ITPKA: variants seen among roughly 807,000 people sequenced by gnomAD.
ITPKA encodes the protein inositol-trisphosphate 3-kinase A, also known as IP3 3-kinase A.
In ITPKA, 16 loss-of-function variants were observed where a neutral mutation model predicts 40.7. The observed-to-expected ratio is 0.39, with a 90% confidence interval of 0.27 to 0.60. The LOEUF (loss-of-function observed/expected upper bound fraction) is 0.60. Ranked by LOEUF, ITPKA falls within the 20% of genes least tolerant of loss-of-function variation. The probability of loss-of-function intolerance (pLI) is 0.50; values close to 1 mark genes in which losing one functional copy is unlikely to be tolerated. For missense variants in ITPKA, 540 were observed against 649.3 expected (o/e 0.83, Z 1.83); for synonymous variants, 313 against 289.9 (o/e 1.08, Z -0.81).
intron 1 of ITPKA, among the ~76,000 whole-genome samples, chr15:41,500,007 C>G (rs2051099090): frequency 6.6e-6 from 1 of 152,208 alleles, no homozygotes; most frequent in Non-Finnish European, 1.5e-5. Context: ...TGCTGCCAGG[C>G]TAGAGTGCAG....
chr15:41,502,292 CCT>C lies in ITPKA; in HGVS notation c.1008+95_1008+96del, dbSNP rs1488317857. ...GCTCCCGCCCCGCCTGCCCCTCCGCCCTCTCCCACCGCCTCGCCGTCCCCTGC... is the reference window on the plus strand; with the variant it reads ...GCTCCCGCCCCGCCTGCCCCTCCGCCCTCCCACCGCCTCGCCGTCCCCTGC... On this transcript the variant is annotated intron_variant, in intron 4 of 6. Coordinates refer to ENST00000260386, the MANE Select transcript of ITPKA (RefSeq NM_002220.3). 7 of 1,306,410 alleles carry C rather than the reference CCT, an allele frequency of 5.4e-6. No homozygotes were observed. The Middle Eastern group carries it at 1.1e-3, about 198-fold the overall frequency. The allele number at this position is 1,306,410 out of a possible 1,614,324, so 80.9% of individuals were successfully genotyped here. A position where few individuals can be genotyped will look rare whatever the true frequency, so the allele number is the denominator to read the frequency against.
In ITPKA at chr15:41,503,106, C is replaced by T; in HGVS notation, c.1326C>T (p.Asp442=). The T allele has an allele frequency of 1.9e-6, 3 of 1,604,344 alleles. No individual in the cohort carries two copies. The highest frequency in any genetic ancestry group is 2.6e-6 in the Non-Finnish European group (3 of 1,172,368). ...CCTGGGAGGAGGGCAACCGCGAGGA[C>T]GGCTATTTGCTGGGGCTGGACAATC... is the stretch of plus-strand genomic sequence containing the variant. ...RRPWEEGNRE[D]GYLLGLDNLI... is the part of the protein sequence containing the mutation. Residue 442 remains aspartate (D), a synonymous_variant, in exon 7 of 7, where the codon GAC becomes GAT. Coordinates refer to ENST00000260386, the MANE Select transcript of ITPKA (RefSeq NM_002220.3).
chr15:41,495,985 C>G (rs1459101694), intron 1 of ITPKA, among the ~76,000 whole-genome samples: 2 of 152,250 alleles, frequency 1.3e-5, no homozygotes, highest in Non-Finnish European at 2.9e-5. Context: ...CCGCCGCCCT[C>G]CGAGCCGTCG....
intron 1 of ITPKA, among the ~76,000 whole-genome samples, chr15:41,497,479 T>G (rs771822082): frequency 1.3e-5 from 2 of 152,174 alleles, no homozygotes; most frequent in Non-Finnish European, 2.9e-5. Flanking sequence ...GCATCTGCCT[T>G]GGCCTCCCAA....
chr15:41,501,655 A>G lies in ITPKA; in HGVS notation c.607A>G (p.Thr203Ala). The G allele has an allele frequency of 6.2e-7, 1 of 1,608,098 alleles. No homozygotes were observed. The highest frequency in any genetic ancestry group is 8.5e-7 in the Non-Finnish European group (1 of 1,177,886). The change falls in exon 3 of 7, where the codon ACC becomes GCC. Residue 203 changes from threonine to alanine, a missense_variant. Coordinates refer to ENST00000260386, the MANE Select transcript of ITPKA (RefSeq NM_002220.3). Reference sequence around the variant, plus strand: ...CTCAGGGAGTTTTAAGGCGGCGGGCACCAGCGGGCTGATCCTGAAGCGCTG... The same window carrying G: ...CTCAGGGAGTTTTAAGGCGGCGGGCGCCAGCGGGCTGATCCTGAAGCGCTG... ...GHTGSFKAAG[T>A]SGLILKRCSE...
intron 1 of ITPKA, among the ~76,000 whole-genome samples, chr15:41,499,915 C>T (rs1168767021): frequency 1.3e-5 from 2 of 152,166 alleles, no homozygotes; most frequent in Non-Finnish European, 2.9e-5. Flanking sequence ...CGTCTCCTTC[C>T]CAGGTTTGTC....
intron 1 of ITPKA, among the ~76,000 whole-genome samples, chr15:41,495,826 AG>A (rs1186845205): frequency 6.6e-6 from 1 of 152,234 alleles, no homozygotes; most frequent in Non-Finnish European, 1.5e-5. Context: ...AAGGGCGCGA[AG>A]CGCGGGCGCG....
rs1325152990 is a variant in ITPKA at position 41,503,362 on chromosome 15, A to C, written c.*196A>C. 1.7e-6 allele frequency: 1 copy of C among 599,388 alleles called. No homozygotes were observed. The highest frequency in any genetic ancestry group is 2.8e-5 in the East Asian group (1 of 36,052). 37.1% of individuals were successfully genotyped at this position (599,388 alleles called of 1,614,324 possible). On this transcript the variant is annotated 3_prime_UTR_variant, in exon 7 of 7. Transcript: ENST00000260386. ...TGCCCACCCGGGCCCCAGCGTTCCCAGAGCCAAATGACACTAACTTATAGA... is the reference window on the plus strand; with the variant it reads ...TGCCCACCCGGGCCCCAGCGTTCCCCGAGCCAAATGACACTAACTTATAGA...
chr15:41,501,684 G>A lies in ITPKA; in HGVS notation c.636G>A (p.Ser212=), dbSNP rs750516115. Residue 212 remains serine (S), a synonymous_variant, in exon 3 of 7, where the codon TCG becomes TCA. Transcript: ENST00000260386. ...GTSGLILKRC[S]EPERYCLARL... Reference sequence around the variant, plus strand: ...GCGGGCTGATCCTGAAGCGCTGCTCGGAGCCGGAGCGCTACTGCCTGGCGC... The same window carrying A: ...GCGGGCTGATCCTGAAGCGCTGCTCAGAGCCGGAGCGCTACTGCCTGGCGC... 2.5e-6 allele frequency: 4 copies of A among 1,609,760 alleles called. No homozygotes were observed. Among genetic ancestry groups the A allele is most frequent in the Non-Finnish European group, 1.7e-6 (2 of 1,178,606 alleles).
At chr15:41,502,904 G>A (rs767876691) in intron 6 of ITPKA, 45 bp downstream of exon 6, 15 of 1,606,076 alleles carry the variant, frequency 9.3e-6, no homozygotes, top group Admixed American at 1.7e-5. Context: ...GGGCTAGGGC[G>A]GGAACCCGGC....
At position 41,495,610 on chromosome 15, in the gene ITPKA, C is replaced by T. The variant is rs1159408394; in HGVS notation, c.489+1194C>T. Among the ~76,000 whole-genome samples, 4 of 152,312 alleles carry T rather than the reference C, an allele frequency of 2.6e-5. No individual in the cohort carries two copies. In the East Asian group the frequency reaches 7.7e-4, roughly 29 times the overall value. The stretch of plus-strand genomic sequence containing the variant: ...CGGCTCGGTCACTAGCCTGCCGCTT[C>T]CCCTTCTTCCCCGGTGGTCAGAGCA... On this transcript the variant is annotated intron_variant, in intron 1 of 6. Coordinates refer to ENST00000260386, the MANE Select transcript of ITPKA (RefSeq NM_002220.3).
chr15:41,494,442 C>A lies in ITPKA; in HGVS notation c.489+26C>A. 1 of 1,377,600 alleles carries A rather than the reference C, an allele frequency of 7.3e-7. No homozygotes were observed. The highest frequency in any genetic ancestry group is 9.4e-7 in the Non-Finnish European group (1 of 1,061,974). The allele number at this position is 1,377,600 out of a possible 1,614,324, so 85.3% of individuals were successfully genotyped here. A position where few individuals can be genotyped will look rare whatever the true frequency, so the allele number is the denominator to read the frequency against. On this transcript the variant is annotated intron_variant, in intron 1 of 6. Coordinates refer to ENST00000260386, the MANE Select transcript of ITPKA (RefSeq NM_002220.3). The surrounding 1 kb of genome is among the most constrained non-coding windows in gnomAD (Gnocchi z 7.8). Reference sequence around the variant, plus strand: ...GTACGGGCCGCGGGGGCGGGGCCAGCGCCGGGCGCGGGGGCTGCACGGGGG... The same window carrying A: ...GTACGGGCCGCGGGGGCGGGGCCAGAGCCGGGCGCGGGGGCTGCACGGGGG...
chr15:41,502,379 T>C (rs758893979), intron 4 of ITPKA, 23 bp from the exon 5 acceptor site: 5 of 1,549,460 alleles, frequency 3.2e-6, no homozygotes, highest in South Asian at 1.1e-5. Context: ...CCGGGGCCCC[T>C]GACACTCCTG....
In ITPKA at chr15:41,502,337, G is replaced by A. The variant is rs568142498; in HGVS notation, c.1009-65G>A. 2.6e-5 allele frequency: 37 copies of A among 1,405,940 alleles called. No homozygotes were observed. In the Admixed American group the frequency reaches 3.2e-4, roughly 12 times the overall value. 87.1% of individuals were successfully genotyped at this position (1,405,940 alleles called of 1,614,324 possible). On this transcript the variant is annotated intron_variant, in intron 4 of 6. Transcript: ENST00000260386. Reference sequence around the variant, plus strand: ...TCCCCTGCAACTGGGAGGTACCGCTGCTCTACGCTGTCCTCTTCCCCACTG... The same window carrying A: ...TCCCCTGCAACTGGGAGGTACCGCTACTCTACGCTGTCCTCTTCCCCACTG...
rs1357463926 is a variant in ITPKA at position 41,494,023 on chromosome 15, G to T, written c.96G>T (p.Gly32=). 16 of 1,195,088 alleles carry T rather than the reference G, an allele frequency of 1.3e-5. No individual in the cohort carries two copies. The highest frequency in any genetic ancestry group is 1.6e-5 in the Non-Finnish European group (15 of 965,140). The allele number at this position is 1,195,088 out of a possible 1,614,324, so 74.0% of individuals were successfully genotyped here. A position where few individuals can be genotyped will look rare whatever the true frequency, so the allele number is the denominator to read the frequency against. The stretch of plus-strand genomic sequence containing the variant: ...AGCGGGCCCCGCGCCGGAGTGTCGG[G>T]GAGCTGCGCCTGCTCTTCGAGGCGC... ...GLERAPRRSV[G]ELRLLFEARC... The change falls in exon 1 of 7, where the codon GGG becomes GGT. Residue 32 remains glycine (G), a synonymous_variant. Transcript: ENST00000260386. The surrounding 1 kb of genome is among the most constrained non-coding windows in gnomAD (Gnocchi z 7.8).
rs954576433 is a variant in ITPKA, at chr15:41,503,453, G to A, written c.*287G>A. On this transcript the variant is annotated 3_prime_UTR_variant, in exon 7 of 7. Coordinates refer to ENST00000260386, the MANE Select transcript of ITPKA (RefSeq NM_002220.3). ...CTGAGGAGGCTCTGCCCTCTCCAGA[G>A]GTGCCAGACCGCGGATTTTATTTAG... is the stretch of plus-strand genomic sequence containing the variant. The A allele has an allele frequency of 1.6e-6, 1 of 626,394 alleles. No homozygotes were observed. Among genetic ancestry groups the A allele is most frequent in the Non-Finnish European group, 3.0e-6 (1 of 336,202 alleles). The allele number at this position is 626,394 out of a possible 1,614,324, so 38.8% of individuals were successfully genotyped here. A position where few individuals can be genotyped will look rare whatever the true frequency, so the allele number is the denominator to read the frequency against.
chr15:41,502,790 G>T lies in ITPKA; in HGVS notation c.1113G>T (p.Arg371Ser). Residue 371 changes from arginine to serine, a missense_variant and splice_region_variant, in exon 6 of 7, where the codon AGG becomes AGT. Coordinates refer to ENST00000260386, the MANE Select transcript of ITPKA (RefSeq NM_002220.3). ...CTCTCCCACCCCACCCTCTGCAGAG[G>T]CGGTATCTGAACCGCCTGCAGCAGA... ...EFVQGDEEVL[R>S]RYLNRLQQIR... 1.2e-6 allele frequency: 2 copies of T among 1,608,300 alleles called. No individual in the cohort carries two copies. The highest frequency in any genetic ancestry group is 1.7e-6 in the Non-Finnish European group (2 of 1,176,770).
Position 41,503,548 on chromosome 15 carries a change from A to C in ITPKA, c.*382A>C, listed in dbSNP as rs748578222. The C allele has an allele frequency of 1.8e-6, 1 of 570,324 alleles. No individual in the cohort carries two copies. Among genetic ancestry groups the C allele is most frequent in the East Asian group, 4.5e-5 (1 of 22,240 alleles). 35.3% of individuals were successfully genotyped at this position (570,324 alleles called of 1,614,324 possible). On this transcript the variant is annotated 3_prime_UTR_variant, in exon 7 of 7. Transcript: ENST00000260386. ...CCCCTTCCTAATAAAACTCAAAGAC[A>C]AGATGCAGCTTCCTGTGCCTCAGGC...
At chr15:41,502,526 TGAG>T in intron 5 of ITPKA, 23 bp downstream of exon 5, 2 of 1,386,674 alleles carry the variant, frequency 1.4e-6, no homozygotes, top group Non-Finnish European at 2.1e-6. Context: ...TCCCAAACCC[TGAG>T]GTGTTGGGGA....
Sources: gnomAD v4.1 joint callset for allele counts (sites outside exome capture counted in the v4.1 genomes callset) on GRCh38, gnomAD v4.1.1 for gene constraint, Gnocchi (gnomAD v3.1) non-coding constraint, MANE v1.5 for transcripts, NCBI Gene and HGNC (gene_info 2026-07-23, HGNC 2026-07-21) for gene names.